CNTFR: variants seen among roughly 807,000 people sequenced by gnomAD.
The protein encoded by CNTFR is ciliary neurotrophic factor receptor subunit alpha.
Under a neutral mutation model 40.4 loss-of-function variants are expected in CNTFR, and 12 were observed. That is an observed-to-expected ratio of 0.30 (90% CI 0.19 to 0.48). CNTFR has a LOEUF of 0.48. CNTFR is among the 20% of genes least tolerant of loss of function. CNTFR has a pLI of 0.99. For missense variants in CNTFR, 414 were observed against 506.8 expected, an observed-to-expected ratio of 0.82 and a Z score of 1.76; for synonymous variants, 202 against 209.6, an observed-to-expected ratio of 0.96 and a Z score of 0.31.
intron 2 of CNTFR, among the ~76,000 whole-genome samples, chr9:34,573,558 C>T (rs1005541791): frequency 2.6e-5 from 4 of 152,160 alleles, no homozygotes; most frequent in African/African-American, 9.7e-5. Flanking sequence ...GGACTCCCCC[C>T]ATTGCCAGGC....
In CNTFR at chr9:34,586,089, G is replaced by A. The variant is rs1239884185; in HGVS notation, c.-112+3466C>T. 2.6e-5 allele frequency among the ~76,000 whole-genome samples: 4 copies of A among 152,152 alleles called. No individual in the cohort carries two copies. The South Asian group carries it at 8.3e-4, about 31-fold the overall frequency. On this transcript the variant is annotated intron_variant, in intron 1 of 9. Transcript: ENST00000378980. ...TCCCTACTGTGTGGGCTCCCATGGG[G>A]GAAGACAGCATATCTCAGGCAGCCC...
intron 1 of CNTFR, among the ~76,000 whole-genome samples, chr9:34,585,761 C>T (rs529789382): frequency 6.6e-6 from 1 of 152,246 alleles, no homozygotes; most frequent in East Asian, 1.9e-4. Flanking sequence ...CTGAGGTCTC[C>T]CCCACTACCC....
chr9:34,588,556 C>T (rs976636285), intron 1 of CNTFR, among the ~76,000 whole-genome samples: 2 of 152,224 alleles, frequency 1.3e-5, no homozygotes, highest in Admixed American at 6.5e-5. Flanking sequence ...TGCAGACACA[C>T]ACCCAATGTT....
intron 2 of CNTFR, among the ~76,000 whole-genome samples, chr9:34,575,391 A>G (rs1564071227): frequency 6.6e-6 from 1 of 152,152 alleles, no homozygotes; most frequent in African/African-American, 2.4e-5. Context: ...AAGGCAGGGG[A>G]TGGGCAGAGC....
Position 34,552,996 on chromosome 9 carries a change from G to T in CNTFR, c.769-142C>A. On this transcript the variant is annotated intron_variant, in intron 7 of 9. Coordinates refer to ENST00000378980, the MANE Select transcript of CNTFR (RefSeq NM_147164.3). The surrounding 1 kb of genome is among the most constrained non-coding windows in gnomAD (Gnocchi z 5.1). Reference sequence around the variant, plus strand: ...GTGAGGACTTCCCTGAGGAGAAGGAGGACATGGAGAATATTCTTGCCAGAG... The same window carrying T: ...GTGAGGACTTCCCTGAGGAGAAGGATGACATGGAGAATATTCTTGCCAGAG... The T allele has an allele frequency of 1.4e-6, 1 of 724,980 alleles. No individual in the cohort carries two copies. The highest frequency in any genetic ancestry group is 2.3e-6 in the Non-Finnish European group (1 of 439,002). 44.9% of individuals were successfully genotyped at this position (724,980 alleles called of 1,614,324 possible).
Position 34,574,672 on chromosome 9 carries a change from T to C in CNTFR, c.1-5691A>G, listed in dbSNP as rs142415836. ...GGCCCAATTGAGTGAGTTGGGGGGG[T>C]TGGTATCCGCACCTGCTGTTGTGAC... On this transcript the variant is annotated intron_variant, in intron 2 of 9. Coordinates refer to ENST00000378980, the MANE Select transcript of CNTFR (RefSeq NM_147164.3). 6.0e-3 allele frequency among the ~76,000 whole-genome samples: 917 copies of C among 151,824 alleles called. 10 individuals are homozygous for C. The highest frequency in any genetic ancestry group is 0.02 in the African/African-American group (845 of 41,368).
intron 2 of CNTFR, 110 bp from the exon 3 acceptor site, chr9:34,569,091 C>CTCTCCAGGGCCCTAGGG: frequency 1.0e-6 from 1 of 996,966 alleles, no homozygotes; most frequent in Non-Finnish European, 1.5e-6. Context: ...GCCCTAGGGC[C>CTCTCCAGGGCCCTAGGG]CTGGAGAGGC....
In CNTFR at chr9:34,552,379, C is replaced by A. The variant is rs1389597841; in HGVS notation, c.950-50G>T. The A allele has an allele frequency of 6.7e-7, 1 of 1,499,282 alleles. No individual in the cohort carries two copies. Among genetic ancestry groups the A allele is most frequent in the Non-Finnish European group, 8.9e-7 (1 of 1,123,190 alleles). 92.9% of individuals were successfully genotyped at this position (1,499,282 alleles called of 1,614,324 possible). On this transcript the variant is annotated intron_variant, in intron 8 of 9. Coordinates refer to ENST00000378980, the MANE Select transcript of CNTFR (RefSeq NM_147164.3). The surrounding 1 kb of genome is among the most constrained non-coding windows in gnomAD (Gnocchi z 5.1). ...GGCAAGGCCAGGGCTGGGTCCCATC[C>A]AGATCTGGGGGCTCATGAGACATAC...
upstream of CNTFR, chr9:34,589,795 T>C (rs1262485655): frequency 7.6e-6 from 1 of 132,244 alleles, no homozygotes; most frequent in South Asian, 2.2e-4. This position sits in a 1 kb window ranked among gnomAD's most constrained non-coding sequence, Gnocchi z 4.4. Flanking sequence ...CCCTCCCTCC[T>C]TCTCTCGCCC....
At chr9:34,578,972 G>A (rs1039738359) in intron 2 of CNTFR, among the ~76,000 whole-genome samples, 52 of 152,362 alleles carry the variant, frequency 3.4e-4, no homozygotes, top group African/African-American at 1.2e-3. Flanking sequence ...GGTCTCCAGG[G>A]AGGGACCAGG....
At chr9:34,568,752 C>T (rs1304646935) in intron 3 of CNTFR, 145 bp downstream of exon 3, 8 of 708,022 alleles carry the variant, frequency 1.1e-5, no homozygotes, top group Middle Eastern at 2.4e-4. Flanking sequence ...ATATCAGTGT[C>T]ACATGACTCC....
intron 4 of CNTFR, among the ~76,000 whole-genome samples, chr9:34,560,392 AC>A (rs758680216): frequency 5.6e-4 from 85 of 152,296 alleles, no homozygotes; most frequent in Admixed American, 2.1e-3. Flanking sequence ...CTGTGTTTGC[AC>A]GTGACTCAGG....
intron 7 of CNTFR, among the ~76,000 whole-genome samples, chr9:34,553,702 C>T (rs1825725316): frequency 1.3e-5 from 2 of 152,184 alleles, no homozygotes; most frequent in Admixed American, 1.3e-4. Context: ...CACTCTCGCC[C>T]CGCTGGCCCC....
intron 2 of CNTFR, chr9:34,571,561 TAC>T (rs145378339): frequency 0.067 from 9,872 of 148,412 alleles, 465 homozygotes; most frequent in East Asian, 0.19. Flanking sequence ...CGCGTGCGCA[TAC>T]ACACACACAC....
At chr9:34,583,957 C>T (rs989371667) in intron 1 of CNTFR, among the ~76,000 whole-genome samples, 11 of 152,126 alleles carry the variant, frequency 7.2e-5, no homozygotes, top group African/African-American at 1.4e-4. Context: ...AGAGGGGCTA[C>T]GCAAAGACCT....
At chr9:34,564,899 C>A (rs1013493965) in intron 3 of CNTFR, 67 bp from the exon 4 acceptor site, 2 of 1,391,996 alleles carry the variant, frequency 1.4e-6, no homozygotes, top group African/African-American at 1.4e-5. Flanking sequence ...CGCAGGCGAG[C>A]GTGCTCAGAC....
chr9:34,573,558 C>A (rs1005541791), intron 2 of CNTFR, among the ~76,000 whole-genome samples: 1 of 152,160 alleles, frequency 6.6e-6, no homozygotes, highest in African/African-American at 2.4e-5. Flanking sequence ...GGACTCCCCC[C>A]ATTGCCAGGC....
At chr9:34,578,305 A>G (rs1827097080) in intron 2 of CNTFR, among the ~76,000 whole-genome samples, 1 of 152,090 alleles carries the variant, frequency 6.6e-6, no homozygotes, top group Non-Finnish European at 1.5e-5. Context: ...GCGGAGGGAG[A>G]GTGAGGGACG....
intron 4 of CNTFR, among the ~76,000 whole-genome samples, chr9:34,558,222 T>G (rs1007402884): frequency 6.6e-6 from 1 of 152,138 alleles, no homozygotes; most frequent in African/African-American, 2.4e-5. Flanking sequence ...ACCTGCTCAA[T>G]GGAGGCAGGA....
Sources: gnomAD v4.1 joint callset for allele counts (sites outside exome capture counted in the v4.1 genomes callset) on GRCh38, gnomAD v4.1.1 for gene constraint, Gnocchi (gnomAD v3.1) non-coding constraint, MANE v1.5 for transcripts, NCBI Gene and HGNC (gene_info 2026-07-23, HGNC 2026-07-21) for gene names.